UNC79: variants seen among roughly 807,000 people sequenced by gnomAD.
UNC79 encodes protein unc-79 homolog.
Under a neutral mutation model 283.1 loss-of-function variants are expected in UNC79, and 37 were observed. That is an observed-to-expected ratio of 0.13 (90% CI 0.10 to 0.17). UNC79 has a LOEUF of 0.17. Ranked by LOEUF, UNC79 falls within the 10% of genes least tolerant of loss-of-function variation. The pLI, the probability that UNC79 is intolerant of heterozygous loss-of-function variation, is 1.00. For synonymous variants in UNC79, 1,107 were observed against 1,200.2 expected, an observed-to-expected ratio of 0.92 and a Z score of 1.61; for missense variants, 2,272 against 3,211.1, an observed-to-expected ratio of 0.71 and a Z score of 7.07.
chr14:93,368,019 T>G (rs2139958327), intron 1 of UNC79, among the ~76,000 whole-genome samples: 1 of 152,318 alleles, frequency 6.6e-6, no homozygotes. Flanking sequence ...AATTCAAAAC[T>G]CACTCCTTAA....
chr14:93,474,484 G>GTAAT lies in UNC79; in HGVS notation c.448+92_448+95dup. On this transcript the variant is annotated intron_variant, in intron 3 of 48. Coordinates refer to ENST00000555664, the Ensembl canonical transcript of UNC79. This position sits in a 1 kb window ranked among gnomAD's most constrained non-coding sequence, Gnocchi z 4.1. ...AAGGGGCTTGGAGATGGTCACTGTT[G>GTAAT]TAATCAATCACCTGAAAGGGCTTTG... 1 of 1,398,998 alleles carries GTAAT rather than the reference G, an allele frequency of 7.1e-7. No individual in the cohort carries two copies. The allele number at this position is 1,398,998 out of a possible 1,614,324, so 86.7% of individuals were successfully genotyped here. A position where few individuals can be genotyped will look rare whatever the true frequency, so the allele number is the denominator to read the frequency against.
chr14:93,479,545 G>A (rs544952895), intron 4 of UNC79, among the ~76,000 whole-genome samples: 135 of 151,444 alleles, frequency 8.9e-4, no homozygotes, highest in Middle Eastern at 3.5e-3. Flanking sequence ...TGATCCACCC[G>A]CCTCAGCCTC....
chr14:93,556,248 C>G (rs1180947468), intron 14 of UNC79, among the ~76,000 whole-genome samples: 5 of 151,998 alleles, frequency 3.3e-5, no homozygotes, highest in African/African-American at 4.8e-5. Context: ...CTTCTAGTTG[C>G]CCAAGAGCAT....
chr14:93,617,668 A>T lies in UNC79; in HGVS notation c.4224+364A>T, dbSNP rs2066826196. Among the ~76,000 whole-genome samples, 1 of 152,216 alleles carries T rather than the reference A, an allele frequency of 6.6e-6. No homozygotes were observed. The highest frequency in any genetic ancestry group is 1.5e-5 in the Non-Finnish European group (1 of 68,040). On this transcript the variant is annotated intron_variant, in intron 28 of 48. Coordinates refer to ENST00000555664, the Ensembl canonical transcript of UNC79. The surrounding 1 kb of genome is among the most constrained non-coding windows in gnomAD (Gnocchi z 4.5). Reference sequence around the variant, plus strand: ...GGTTTATGCCAGATAATTTTCTTGAAAAGAAATGTAACTATGAACTGGCAT... The same window carrying T: ...GGTTTATGCCAGATAATTTTCTTGATAAGAAATGTAACTATGAACTGGCAT...
At chr14:93,464,142 C>T (rs2057065203) in intron 1 of UNC79, among the ~76,000 whole-genome samples, 1 of 152,136 alleles carries the variant, frequency 6.6e-6, no homozygotes, top group Non-Finnish European at 1.5e-5. Context: ...GAGCGAGACT[C>T]CATCTAAAAC....
At chr14:93,632,687 C>CA (rs1226006655) in intron 31 of UNC79, among the ~76,000 whole-genome samples, 2,166 of 128,552 alleles carry the variant, frequency 0.017, 46 homozygotes, top group African/African-American at 0.054. Flanking sequence ...CACCCTGTCT[C>CA]AAAAAAAAAA....
At chr14:93,468,186 A>G (rs551914190) in intron 2 of UNC79, among the ~76,000 whole-genome samples, 4 of 152,196 alleles carry the variant, frequency 2.6e-5, no homozygotes, top group South Asian at 2.1e-4. Context: ...AGCATTTTCT[A>G]TTTCCCTAAG....
At chr14:93,352,915 A>G (rs2054006408) in intron 1 of UNC79, among the ~76,000 whole-genome samples, 1 of 152,282 alleles carries the variant, frequency 6.6e-6, no homozygotes, top group South Asian at 2.1e-4. Flanking sequence ...CAGAACACTT[A>G]TAAATCAAGT....
At chr14:93,404,515 A>ATATATATATATATATATAAAT (rs1566915302) in intron 1 of UNC79, among the ~76,000 whole-genome samples, 1 of 76,830 alleles carries the variant, frequency 1.3e-5, no homozygotes, top group Non-Finnish European at 2.8e-5. Flanking sequence ...TATATATATA[A>ATATATATATATATATATAAAT]ATATATACAT....
Position 93,617,267 on chromosome 14 carries a change from A to G in UNC79, c.4187A>G (p.Gln1396Arg). ...TGGTCCCTAAAGCCTCACATCCGGC[A>G]GATGTGGTTGAAGGCCTTGCTTGTC... is the stretch of plus-strand genomic sequence containing the variant. The change falls in exon 28 of 49, where the codon CAG becomes CGG. Residue 1396 changes from glutamine (Q) to arginine (R), a missense_variant. By Grantham distance (43) the Gln-to-Arg change is conservative. This residue lies in a region of UNC79 where 128 missense variants were observed against 230.3 expected (regional missense o/e 0.56). Transcript: ENST00000555664. This position sits in a 1 kb window ranked among gnomAD's most constrained non-coding sequence, Gnocchi z 4.5. 1 of 1,614,134 alleles carries G rather than the reference A, an allele frequency of 6.2e-7. No homozygotes were observed. Among genetic ancestry groups the G allele is most frequent in the South Asian group, 1.1e-5 (1 of 91,068 alleles).
At chr14:93,533,348 C>T (rs1029665150) in intron 11 of UNC79, among the ~76,000 whole-genome samples, 6 of 152,186 alleles carry the variant, frequency 3.9e-5, no homozygotes, top group African/African-American at 1.4e-4. Context: ...CATAGTGTCT[C>T]ATATGGCAAC....
intron 27 of UNC79, among the ~76,000 whole-genome samples, chr14:93,614,507 C>T (rs527958812): frequency 1.1e-4 from 17 of 151,692 alleles, no homozygotes; most frequent in Non-Finnish European, 1.0e-4. Flanking sequence ...TTAGTAGAGA[C>T]GAGGTTTCAC....
intron 1 of UNC79, among the ~76,000 whole-genome samples, chr14:93,391,733 C>G (rs1435637361): frequency 6.6e-6 from 1 of 152,048 alleles, no homozygotes; most frequent in Non-Finnish European, 1.5e-5. Flanking sequence ...CCTGCCAAGG[C>G]CTGTATCTAG....
intron 1 of UNC79, among the ~76,000 whole-genome samples, chr14:93,445,303 T>C (rs1191559644): frequency 6.6e-6 from 1 of 152,232 alleles, no homozygotes; most frequent in Non-Finnish European, 1.5e-5. Context: ...TTTATTTCTT[T>C]TTATTGCCTA....
chr14:93,667,012 G>C (rs1286569431), intron 40 of UNC79, among the ~76,000 whole-genome samples: 1 of 152,152 alleles, frequency 6.6e-6, no homozygotes. Context: ...GCTGAGGTGG[G>C]AGGATTGCTT....
Position 93,690,110 on chromosome 14 carries a change from C to T in UNC79, c.7086-7C>T. On this transcript the variant is annotated splice_polypyrimidine_tract_variant and splice_region_variant and intron_variant, in intron 44 of 48. Transcript: ENST00000555664. This position sits in a 1 kb window ranked among gnomAD's most constrained non-coding sequence, Gnocchi z 4.3. ...AATCATCTTTAACACTCCTTCTTCTCTAATAGACCTAAAGAATTCATTGAG... is the reference window on the plus strand; with the variant it reads ...AATCATCTTTAACACTCCTTCTTCTTTAATAGACCTAAAGAATTCATTGAG... 1 of 1,613,780 alleles carries T rather than the reference C, an allele frequency of 6.2e-7. No individual in the cohort carries two copies. The highest frequency in any genetic ancestry group is 8.5e-7 in the Non-Finnish European group (1 of 1,179,812).
chr14:93,377,386 G>A (rs1016108641), intron 1 of UNC79, among the ~76,000 whole-genome samples: 2 of 152,088 alleles, frequency 1.3e-5, no homozygotes, highest in Admixed American at 6.5e-5. Flanking sequence ...GAGCCACTGT[G>A]CCTGGCCGAG....
intron 2 of UNC79, among the ~76,000 whole-genome samples, chr14:93,470,532 T>TGGAG (rs1167909478): frequency 1.3e-5 from 2 of 152,210 alleles, no homozygotes; most frequent in African/African-American, 4.8e-5. Flanking sequence ...CCCTTGTGTC[T>TGGAG]GGAGCAGTGT....
chr14:93,636,427 G>A (rs577295682), intron 31 of UNC79, among the ~76,000 whole-genome samples: 1 of 152,246 alleles, frequency 6.6e-6, no homozygotes, highest in South Asian at 2.1e-4. Context: ...CCGAGCCTAG[G>A]GGAGAGTCTG....
Sources: allele counts gnomAD v4.1 joint callset (sites outside exome capture counted in the v4.1 genomes callset), GRCh38; gene constraint gnomAD v4.1.1; regional missense constraint gnomAD v4.1.1; non-coding constraint Gnocchi (gnomAD v3.1); transcripts MANE v1.5; gene names NCBI Gene and HGNC (gene_info 2026-07-23, HGNC 2026-07-21).